The following AOPEP variants were observed in gnomAD, a reference collection of about 807,000 sequenced individuals.
AOPEP encodes aminopeptidase O.
A neutral mutation model predicts 98.1 loss-of-function variants in AOPEP; 77 were observed. That is an observed-to-expected ratio of 0.78 (90% CI 0.65 to 0.95). AOPEP has a LOEUF of 0.95. Ranked by LOEUF, AOPEP falls within the 40% of genes least tolerant of loss-of-function variation. AOPEP has a pLI of 0.00. For missense variants in AOPEP, 1,024 were observed against 1,024.7 expected (o/e 1.00, Z 0.01); for synonymous variants, 346 against 365.3 (o/e 0.95, Z 0.60).
chr9:94,729,831 A>G (rs1168549395), intron 1 of AOPEP, among the ~76,000 whole-genome samples: 1 of 152,200 alleles, frequency 6.6e-6, no homozygotes, highest in East Asian at 1.9e-4. Flanking sequence ...AGTCAGAGGA[A>G]GCAGATGGAT....
At chr9:94,753,419 A>G (rs1295236970) in intron 1 of AOPEP, among the ~76,000 whole-genome samples, 1 of 152,222 alleles carries the variant, frequency 6.6e-6, no homozygotes, top group Non-Finnish European at 1.5e-5. Context: ...AAAACTTTCT[A>G]AGGTCCTTAT....
chr9:94,943,919 CAAAAAAAAAAAAAA>C (rs775807087), intron 7 of AOPEP, among the ~76,000 whole-genome samples: 3 of 17,396 alleles, frequency 1.7e-4, no homozygotes, highest in South Asian at 5.1e-3. Context: ...GACTCCATCT[CAAAAAAAAAAAAAA>C]AAAAAAAAAA....
At chr9:95,107,598 T>C in the AOPEP span, 1 of 439,762 alleles carries the variant, frequency 2.3e-6, no homozygotes, top group East Asian at 4.1e-5. Context: ...AACAAAAGGC[T>C]CCTTGAAGAC....
In AOPEP at chr9:95,020,697, C is replaced by T. The variant is rs1212777207; in HGVS notation, c.2115+15081C>T. On this transcript the variant is annotated intron_variant, in intron 13 of 16. Transcript: ENST00000375315. The stretch of plus-strand genomic sequence containing the variant: ...CTTTGGGAGGCTGAGGCAGGTGGAT[C>T]GCTTGAGCTCAGGAGTTCAAGACCA... Among the ~76,000 whole-genome samples the T allele has an allele frequency of 7.3e-5, 11 of 151,522 alleles. No individual in the cohort carries two copies. The South Asian group carries it at 1.0e-3, about 14-fold the overall frequency.
chr9:94,933,444 A>G lies in AOPEP; in HGVS notation c.1661+4913A>G, dbSNP rs767653892. ...TTAAATTCAAGCTCCTGCTGAGGAA[A>G]ACGTTAAAATGTATCGCTTTAAGGA... On this transcript the variant is annotated intron_variant, in intron 7 of 16. Transcript: ENST00000375315. The G allele has an allele frequency of 1.4e-5, 14 of 985,406 alleles. No homozygotes were observed. In the East Asian group the frequency reaches 7.9e-4, roughly 56 times the overall value. The allele number at this position is 985,406 out of a possible 1,614,324, so 61.0% of individuals were successfully genotyped here.
chr9:94,908,044 T>G (rs2051429550), intron 5 of AOPEP, among the ~76,000 whole-genome samples: 1 of 152,080 alleles, frequency 6.6e-6, no homozygotes. Context: ...ACTGCCAAAG[T>G]GGCCGTTTTT....
rs117075794 is a variant in AOPEP, at chr9:94,822,508, G to A, written c.1364+21506G>A. On this transcript the variant is annotated intron_variant, in intron 5 of 16. Coordinates refer to ENST00000375315, the MANE Select transcript of AOPEP (RefSeq NM_001193329.3). The stretch of plus-strand genomic sequence containing the variant: ...ATCTGATTACCTCATGCTGAATAAT[G>A]CACTGTTGTTTATTTGCTTTGCTAC... Among the ~76,000 whole-genome samples the A allele has an allele frequency of 4.7e-3, 718 of 152,266 alleles. 2 individuals carry two copies. Among genetic ancestry groups the A allele is most frequent in the Non-Finnish European group, 8.3e-3 (564 of 68,022 alleles).
At chr9:94,881,008 G>A (rs1038393715) in intron 5 of AOPEP, among the ~76,000 whole-genome samples, 1 of 152,154 alleles carries the variant, frequency 6.6e-6, no homozygotes, top group Non-Finnish European at 1.5e-5. Flanking sequence ...GTCAGTCAGA[G>A]GTAATGGAGT....
At chr9:94,928,358 A>C in intron 6 of AOPEP, 67 bp from the exon 7 acceptor site, 1 of 1,161,198 alleles carries the variant, frequency 8.6e-7, no homozygotes, top group Non-Finnish European at 1.2e-6. Context: ...AAAGTGAGCC[A>C]TTGCACCAGG....
chr9:94,942,337 CT>C (rs2057096184), intron 7 of AOPEP, among the ~76,000 whole-genome samples: 1 of 152,128 alleles, frequency 6.6e-6, no homozygotes, highest in South Asian at 2.1e-4. Flanking sequence ...TCCTGTGCCC[CT>C]TTTTCCTACC....
At chr9:95,134,197 A>G in the AOPEP span, among the ~76,000 whole-genome samples, 2 of 152,316 alleles carry the variant, frequency 1.3e-5, no homozygotes, top group South Asian at 4.1e-4. Context: ...CAAGGGGAGA[A>G]ACGGGATCGC....
intron 14 of AOPEP, among the ~76,000 whole-genome samples, chr9:95,080,122 G>T (rs1400587336): frequency 1.3e-5 from 2 of 152,214 alleles, no homozygotes; most frequent in Admixed American, 6.5e-5. Context: ...TTTGCGTTTA[G>T]TATCTGTCAT....
chr9:95,000,340 T>G (rs1010017343), intron 11 of AOPEP, among the ~76,000 whole-genome samples: 1 of 152,214 alleles, frequency 6.6e-6, no homozygotes, highest in African/African-American at 2.4e-5. Flanking sequence ...ATGTAGCATC[T>G]TTTATATTTT....
At chr9:94,933,605 TTAA>T in intron 7 of AOPEP, 1 of 985,390 alleles carries the variant, frequency 1.0e-6, no homozygotes. Flanking sequence ...AAAACATCCC[TTAA>T]TAATAGGGGG....
At chr9:94,973,532 A>T (rs1355943648) in intron 10 of AOPEP, among the ~76,000 whole-genome samples, 1 of 152,208 alleles carries the variant, frequency 6.6e-6, no homozygotes, top group East Asian at 1.9e-4. Context: ...ACTAAGTGTG[A>T]CCAAATTTAT....
At chr9:94,865,244 T>C (rs890664061) in intron 5 of AOPEP, among the ~76,000 whole-genome samples, 2 of 152,202 alleles carry the variant, frequency 1.3e-5, no homozygotes, top group African/African-American at 4.8e-5. Flanking sequence ...TTAAAACAAA[T>C]GAGGACTTAG....
intron 9 of AOPEP, among the ~76,000 whole-genome samples, chr9:94,964,615 TATC>T (rs1185239899): frequency 6.6e-6 from 1 of 151,282 alleles, no homozygotes; most frequent in East Asian, 1.9e-4. Flanking sequence ...AGTAAAAAGT[TATC>T]ATTACAAGTA....
the AOPEP span, among the ~76,000 whole-genome samples, chr9:95,122,221 T>A: frequency 1.3e-5 from 2 of 152,074 alleles, no homozygotes; most frequent in Non-Finnish European, 2.9e-5. Context: ...TGGATAGACA[T>A]ATATTCAGAT....
At chr9:94,731,669 T>G (rs993336529) in intron 1 of AOPEP, among the ~76,000 whole-genome samples, 1 of 152,162 alleles carries the variant, frequency 6.6e-6, no homozygotes, top group Non-Finnish European at 1.5e-5. Flanking sequence ...TCTTTTGCAT[T>G]TGGGCATCTG....
Sources: gnomAD v4.1 joint callset for allele counts (sites outside exome capture counted in the v4.1 genomes callset) on GRCh38, gnomAD v4.1.1 for gene constraint, MANE v1.5 for transcripts, NCBI Gene and HGNC (gene_info 2026-07-23, HGNC 2026-07-21) for gene names.